SYTL2: variants seen among roughly 807,000 people sequenced by gnomAD.
SYTL2 encodes the protein synaptotagmin-like protein 2.
A neutral mutation model predicts 198.7 loss-of-function variants in SYTL2; 165 were observed. That is an observed-to-expected ratio of 0.83 (90% CI 0.73 to 0.94). SYTL2 has a LOEUF of 0.94. Among genes scored for constraint, SYTL2 ranks in the 40% least tolerant of loss-of-function variants. The pLI is 0.00. For synonymous variants in SYTL2, 966 were observed against 917.7 expected (o/e 1.05, Z -0.95); for missense variants, 2,835 against 2,582.8 (o/e 1.10, Z -2.12).
At chr11:85,728,444 G>A (rs594892) in intron 7 of SYTL2, among the ~76,000 whole-genome samples, 86,299 of 151,602 alleles carry the variant, frequency 0.57, 25,272 homozygotes, top group Middle Eastern at 0.65. Flanking sequence ...GCACCACCAC[G>A]CTCAGCTAAT....
chr11:85,739,060 A>G (rs969223083), intron 4 of SYTL2, among the ~76,000 whole-genome samples: 6 of 152,184 alleles, frequency 3.9e-5, no homozygotes, highest in African/African-American at 1.4e-4. Flanking sequence ...TCTACTATGC[A>G]ACCTCCTCTG....
chr11:85,713,227 T>C (rs2086622318), intron 12 of SYTL2, among the ~76,000 whole-genome samples: 1 of 152,202 alleles, frequency 6.6e-6, no homozygotes, highest in Non-Finnish European at 1.5e-5. Context: ...ATATAATTTA[T>C]GTGTTGCCCA....
Position 85,725,581 on chromosome 11 carries a change from A to C in SYTL2, c.3777T>G (p.Thr1259=). The part of the protein sequence containing the change: ...FGKGIEQSHN[T]SADKREILAP... ...CTAGTATTTCTCTCTTATCAGCTGA[A>C]GTATTGTGACTCTGTTCTATCCCTT... Residue 1259 remains threonine (T), a synonymous_variant, in exon 8 of 20, where the codon ACT becomes ACG. Coordinates refer to ENST00000359152, the MANE Select transcript of SYTL2 (RefSeq NM_206927.4). The C allele has an allele frequency of 1.2e-6, 2 of 1,614,120 alleles. No homozygotes were observed. The highest frequency in any genetic ancestry group is 1.7e-6 in the Non-Finnish European group (2 of 1,179,982).
intron 4 of SYTL2, among the ~76,000 whole-genome samples, chr11:85,743,665 A>G (rs992341610): frequency 1.3e-5 from 2 of 152,316 alleles, no homozygotes; most frequent in South Asian, 2.1e-4. Flanking sequence ...ATACTATGTT[A>G]TTAGCCTCAA....
the SYTL2 span, among the ~76,000 whole-genome samples, chr11:85,849,043 C>G: frequency 6.6e-6 from 1 of 152,178 alleles, no homozygotes; most frequent in African/African-American, 2.4e-5. Flanking sequence ...AGTGAGACAC[C>G]ATCCCATTTT....
chr11:85,802,623 G>GGAAGGAAAGA (rs1207722516), intron 1 of SYTL2, among the ~76,000 whole-genome samples: 2 of 152,070 alleles, frequency 1.3e-5, no homozygotes, highest in African/African-American at 4.8e-5. Context: ...CAAGAGGAAG[G>GGAAGGAAAGA]GAAGGAAAGA....
chr11:85,835,781 T>C, the SYTL2 span, among the ~76,000 whole-genome samples: 4 of 152,180 alleles, frequency 2.6e-5, no homozygotes, highest in Non-Finnish European at 5.9e-5. Flanking sequence ...GTAGACGTGT[T>C]TTCTCTTGAG....
chr11:85,828,700 C>T, the SYTL2 span, among the ~76,000 whole-genome samples: 2 of 152,196 alleles, frequency 1.3e-5, no homozygotes, highest in Non-Finnish European at 2.9e-5. Flanking sequence ...CAACAGCCCT[C>T]TAAGACAGGT....
chr11:85,708,191 A>G (rs1399842376), intron 14 of SYTL2: 3 of 427,340 alleles, frequency 7.0e-6, no homozygotes, highest in Non-Finnish European at 1.4e-5. Flanking sequence ...CACTTTCAGC[A>G]TAGAGCTTAA....
At chr11:85,745,497 G>T in intron 4 of SYTL2, 140 bp downstream of exon 4, 1 of 835,508 alleles carries the variant, frequency 1.2e-6, no homozygotes, top group Non-Finnish European at 1.8e-6. Flanking sequence ...TCGGGGCCCA[G>T]AATTCTCTCA....
At chr11:85,788,843 T>C (rs879485313) in intron 1 of SYTL2, among the ~76,000 whole-genome samples, 5 of 152,014 alleles carry the variant, frequency 3.3e-5, no homozygotes, top group Non-Finnish European at 5.9e-5. Context: ...CCTCCCTTTA[T>C]AGAGCTCATG....
chr11:85,759,511 CAT>C (rs772279461), intron 1 of SYTL2, among the ~76,000 whole-genome samples: 68 of 127,440 alleles, frequency 5.3e-4, no homozygotes, highest in African/African-American at 7.7e-4. Flanking sequence ...AAAAAGAGCA[CAT>C]GTCTTGCATT....
At chr11:85,807,042 G>T (rs2092968203) in intron 1 of SYTL2, among the ~76,000 whole-genome samples, 1 of 152,230 alleles carries the variant, frequency 6.6e-6, no homozygotes, top group African/African-American at 2.4e-5. Context: ...ATGCCCCCAT[G>T]GGTACACTGC....
intron 19 of SYTL2, among the ~76,000 whole-genome samples, chr11:85,695,875 T>C (rs1231173540): frequency 2.0e-5 from 3 of 152,186 alleles, no homozygotes; most frequent in Non-Finnish European, 2.9e-5. Flanking sequence ...ACTCAAAGCA[T>C]ATATTTAGCC....
chr11:85,700,030 T>C lies in SYTL2; in HGVS notation c.6268+485A>G, dbSNP rs570660459. On this transcript the variant is annotated intron_variant, in intron 17 of 19. Coordinates refer to ENST00000359152, the MANE Select transcript of SYTL2 (RefSeq NM_206927.4). Reference sequence around the variant, plus strand: ...AACACAGGAATACACAAATTCTGAATACAGGCCATTCACATTGTGCAGATA... The same window carrying C: ...AACACAGGAATACACAAATTCTGAACACAGGCCATTCACATTGTGCAGATA... Among the ~76,000 whole-genome samples, 5 of 152,200 alleles carry C rather than the reference T, an allele frequency of 3.3e-5. No individual in the cohort carries two copies. The East Asian group carries it at 9.6e-4, about 29-fold the overall frequency.
chr11:85,821,669 C>A, the SYTL2 span, among the ~76,000 whole-genome samples: 1 of 152,196 alleles, frequency 6.6e-6, no homozygotes, highest in Non-Finnish European at 1.5e-5. Flanking sequence ...GACTCAGGGA[C>A]AGGAGCTATA....
At chr11:85,748,231 A>C (rs745475329) in intron 3 of SYTL2, 41 bp downstream of exon 3, 8 of 1,593,940 alleles carry the variant, frequency 5.0e-6, no homozygotes, top group Non-Finnish European at 6.9e-6. Context: ...CTCCTTCCCA[A>C]ACGAATGCTT....
chr11:85,728,941 C>G (rs895700184), intron 7 of SYTL2, among the ~76,000 whole-genome samples: 2 of 152,104 alleles, frequency 1.3e-5, no homozygotes, highest in Non-Finnish European at 2.9e-5. Flanking sequence ...GTTCTGCATA[C>G]TGGGGTTTAA....
At chr11:85,765,584 C>T (rs2092219054) in intron 1 of SYTL2, among the ~76,000 whole-genome samples, 1 of 152,178 alleles carries the variant, frequency 6.6e-6, no homozygotes, top group African/African-American at 2.4e-5. Context: ...GACAGCATCT[C>T]AAAATACAAA....
Sources: gnomAD v4.1 joint callset for allele counts (sites outside exome capture counted in the v4.1 genomes callset) on GRCh38, gnomAD v4.1.1 for gene constraint, MANE v1.5 for transcripts, NCBI Gene and HGNC (gene_info 2026-07-23, HGNC 2026-07-21) for gene names.